The following PRSS23 variants were observed in gnomAD, a reference collection of about 807,000 sequenced individuals.
The protein encoded by PRSS23 is serine protease 23, also known as protease, serine 23.
A neutral mutation model predicts 34.7 loss-of-function variants in PRSS23; 25 were observed. The ratio of observed to expected loss-of-function variants is 0.72; its 90% CI spans 0.53 to 1.01. The LOEUF is 1.01. PRSS23 is among the 50% of genes least tolerant of loss of function. PRSS23 has a pLI of 0.00. For missense variants in PRSS23, 445 were observed against 475.6 expected, an observed-to-expected ratio of 0.94 and a Z score of 0.60; for synonymous variants, 176 against 186.6, an observed-to-expected ratio of 0.94 and a Z score of 0.46.
chr11:86,870,900 C>A (rs1055396397), intron 2 of PRSS23, among the ~76,000 whole-genome samples: 5 of 152,104 alleles, frequency 3.3e-5, no homozygotes, highest in Admixed American at 1.3e-4. Flanking sequence ...TCATTCTGTC[C>A]ACCTTTCTTT....
intron 2 of PRSS23, among the ~76,000 whole-genome samples, chr11:86,928,918 C>T (rs1012574762): frequency 6.6e-6 from 1 of 151,852 alleles, no homozygotes; most frequent in Admixed American, 6.6e-5. Flanking sequence ...TCTCAGATCT[C>T]CAAATGTCCA....
At chr11:86,811,457 C>T (rs913822813), downstream of PRSS23, among the ~76,000 whole-genome samples, 4 of 152,094 alleles carry the variant, frequency 2.6e-5, no homozygotes, top group African/African-American at 9.7e-5. Flanking sequence ...AATTATCTGT[C>T]GCTGAGAATC....
In PRSS23 at chr11:86,884,342, C is replaced by T. The variant is rs1361644343; in HGVS notation, c.206+60749C>T. ...TGAGACAGAGTCTCACTCTGTCACCCAGGCTGGAATGCAGTGGTGCGATCT... is the reference window on the plus strand; with the variant it reads ...TGAGACAGAGTCTCACTCTGTCACCTAGGCTGGAATGCAGTGGTGCGATCT... On this transcript the variant is annotated intron_variant, in intron 2 of 2. Coordinates refer to the PRSS23 transcript ENST00000533902. 3.3e-5 allele frequency among the ~76,000 whole-genome samples: 5 copies of T among 152,192 alleles called. No homozygotes were observed. The South Asian group carries it at 6.2e-4, about 19-fold the overall frequency.
At chr11:86,881,099 C>T (rs963358179) in intron 2 of PRSS23, among the ~76,000 whole-genome samples, 3 of 152,162 alleles carry the variant, frequency 2.0e-5, no homozygotes, top group African/African-American at 7.2e-5. Context: ...ATAGCAAGAT[C>T]AGACATTCTT....
Position 86,808,311 on chromosome 11 carries a change from G to A in PRSS23, c.668G>A (p.Arg223Gln), listed in dbSNP as rs1165618451. 46 of 1,614,008 alleles carry A rather than the reference G, an allele frequency of 2.9e-5. No homozygotes were observed. The East Asian group carries it at 5.3e-4, about 19-fold the overall frequency. ...GAGCAGATGAAATTTCAGTGGATCC[G>A]GGTGAAACGCACCCATGTGCCCAAG... ...MPEQMKFQWI[R>Q]VKRTHVPKGW... The change falls in exon 2 of 2, where the codon CGG (arginine) becomes CAG (glutamine). Residue 223 changes from arginine to glutamine, a missense_variant. Physicochemically the swap from Arg to Gln is conservative, Grantham distance 43. Transcript: ENST00000280258.
chr11:86,904,672 A>G (rs2134987148), intron 2 of PRSS23, among the ~76,000 whole-genome samples: 1 of 152,290 alleles, frequency 6.6e-6, no homozygotes, highest in Middle Eastern at 3.4e-3. Context: ...TGTCACAACT[A>G]TTACACTAAA....
At chr11:86,845,104 A>G (rs967900468) in intron 2 of PRSS23, among the ~76,000 whole-genome samples, 2 of 152,060 alleles carry the variant, frequency 1.3e-5, no homozygotes, top group African/African-American at 4.8e-5. Context: ...AAAAAAAAAA[A>G]AGAATTAAGT....
At chr11:86,847,377 C>T (rs1315143664) in intron 2 of PRSS23, among the ~76,000 whole-genome samples, 1 of 152,186 alleles carries the variant, frequency 6.6e-6, no homozygotes, top group Non-Finnish European at 1.5e-5. Context: ...CATAATAAAT[C>T]CAACAGTCCT....
At chr11:86,938,902 G>C (rs1054044022) in intron 2 of PRSS23, 11 of 344,120 alleles carry the variant, frequency 3.2e-5, no homozygotes, top group Non-Finnish European at 5.1e-5. Flanking sequence ...AAGTCAGTAA[G>C]ACATATACAC....
intron 2 of PRSS23, among the ~76,000 whole-genome samples, chr11:86,827,677 G>A (rs1212293577): frequency 2.6e-5 from 4 of 152,134 alleles, no homozygotes; most frequent in Non-Finnish European, 5.9e-5. Context: ...GTGTCCCAGA[G>A]ATTCTGGTAT....
chr11:86,840,961 G>C (rs1434886289), intron 2 of PRSS23, among the ~76,000 whole-genome samples: 1 of 152,152 alleles, frequency 6.6e-6, no homozygotes, highest in African/African-American at 2.4e-5. Flanking sequence ...ATTTAAAGCA[G>C]TGTGTAGAGG....
At chr11:86,926,772 C>T (rs1949084706) in intron 2 of PRSS23, among the ~76,000 whole-genome samples, 1 of 152,200 alleles carries the variant, frequency 6.6e-6, no homozygotes, top group Non-Finnish European at 1.5e-5. Flanking sequence ...ACTGTTTCCC[C>T]TCGCATTTTT....
At position 86,792,291 on chromosome 11, in the gene PRSS23, C is replaced by T. The variant is rs148110928; in HGVS notation, c.-14+1096C>T. The stretch of plus-strand genomic sequence containing the variant: ...ATTTCTTGCAGCAGCTGCAACTCTC[C>T]ATGGACTACTCGGCAATTGGAAGCA... On this transcript the variant is annotated intron_variant, in intron 1 of 1. Transcript: ENST00000527521. Among the ~76,000 whole-genome samples the T allele has an allele frequency of 3.0e-3, 457 of 152,306 alleles. 3 individuals carry two copies. Among genetic ancestry groups the T allele is most frequent in the African/African-American group, 0.011 (442 of 41,546 alleles).
chr11:86,905,385 T>C (rs1175220563), intron 2 of PRSS23, among the ~76,000 whole-genome samples: 1 of 152,202 alleles, frequency 6.6e-6, no homozygotes, highest in African/African-American at 2.4e-5. Flanking sequence ...TTCAAACGTA[T>C]GGTGCTCTTC....
chr11:86,914,788 C>G (rs893298155), intron 2 of PRSS23, among the ~76,000 whole-genome samples: 1 of 152,158 alleles, frequency 6.6e-6, no homozygotes, highest in South Asian at 2.1e-4. Context: ...GTCAATTAAA[C>G]TGTTCCAAGT....
intron 2 of PRSS23, among the ~76,000 whole-genome samples, chr11:86,907,763 C>G (rs541793524): frequency 6.6e-5 from 10 of 152,312 alleles, no homozygotes; most frequent in Non-Finnish European, 1.2e-4. Context: ...CTGGCCTTAA[C>G]AAATTTTCAA....
intron 2 of PRSS23, among the ~76,000 whole-genome samples, chr11:86,860,956 A>AG: frequency 6.6e-6 from 1 of 151,918 alleles, no homozygotes; most frequent in Non-Finnish European, 1.5e-5. Context: ...CCAATATAGA[A>AG]GGGGGAAGTA....
At chr11:86,833,865 A>G (rs1353530411) in intron 2 of PRSS23, among the ~76,000 whole-genome samples, 1 of 151,814 alleles carries the variant, frequency 6.6e-6, no homozygotes, top group African/African-American at 2.4e-5. Context: ...CCGACTGACC[A>G]CTCTAACTGC....
At chr11:86,895,516 C>A (rs903494408) in intron 2 of PRSS23, among the ~76,000 whole-genome samples, 1 of 115,984 alleles carries the variant, frequency 8.6e-6, no homozygotes, top group African/African-American at 3.4e-5. Flanking sequence ...GGGTCTCACT[C>A]TTGCCCAGGC....
Sources: allele counts gnomAD v4.1 joint callset (sites outside exome capture counted in the v4.1 genomes callset), GRCh38; gene constraint gnomAD v4.1.1; transcripts MANE v1.5; gene names NCBI Gene and HGNC (gene_info 2026-07-23, HGNC 2026-07-21).